Variants in ENG observed in about 807,000 individuals in gnomAD.
ENG encodes the protein CD105 antigen.
ENG carries 17 observed loss-of-function variants against 71.0 expected under a neutral mutation model. The ratio of observed to expected loss-of-function variants is 0.24; its 90% CI spans 0.16 to 0.36. The LOEUF (loss-of-function observed/expected upper bound fraction) is 0.36. Among genes scored for constraint, ENG ranks in the 10% least tolerant of loss-of-function variants. The pLI is 1.00. For missense variants in ENG, 749 were observed against 868.3 expected (o/e 0.86, Z 1.73); for synonymous variants, 360 against 366.9 (o/e 0.98, Z 0.21).
At chr9:127,849,280 T>G (rs1831239257) in intron 1 of ENG, among the ~76,000 whole-genome samples, 1 of 152,238 alleles carries the variant, frequency 6.6e-6, no homozygotes, top group Admixed American at 6.5e-5. Context: ...GCTCTCGCCA[T>G]TACTCCATTC....
chr9:127,829,926 C>A (rs1830722971), intron 2 of ENG, 99 bp from the exon 3 acceptor site: 13 of 1,546,656 alleles, frequency 8.4e-6, no homozygotes, highest in Admixed American at 5.1e-5. Context: ...CCACTCCACT[C>A]TCCCTGCCTG....
At chr9:127,837,813 T>A (rs552403352) in intron 2 of ENG, among the ~76,000 whole-genome samples, 1 of 150,522 alleles carries the variant, frequency 6.6e-6, no homozygotes, top group East Asian at 1.9e-4. Context: ...CATCCATCCA[T>A]CCAACAGATA....
rs952545510 is a variant in ENG, at chr9:127,846,541, G to C, written c.68-3296C>G. Among the ~76,000 whole-genome samples, 1 of 152,200 alleles carries C rather than the reference G, an allele frequency of 6.6e-6. No individual in the cohort carries two copies. Among genetic ancestry groups the C allele is most frequent in the South Asian group, 2.1e-4 (1 of 4,830 alleles). ...CGCCTGGGGCCGCCTCCTCCATGCCGTCAGCCAGCGGGAGAGGCCACAAGC... is the reference window on the plus strand; with the variant it reads ...CGCCTGGGGCCGCCTCCTCCATGCCCTCAGCCAGCGGGAGAGGCCACAAGC... On this transcript the variant is annotated intron_variant, in intron 1 of 14. Coordinates refer to ENST00000373203, the MANE Select transcript of ENG (RefSeq NM_001114753.3). This position sits in a 1 kb window ranked among gnomAD's most constrained non-coding sequence, Gnocchi z 5.5.
Position 127,837,268 on chromosome 9 carries a change from T to A in ENG, c.219+5826A>T, listed in dbSNP as rs114363680. ...CTATCTCTGAGCCTCAGCCTCCCCA[T>A]CTGTGCAGGGAGGAGTTGAGCTCAG... On this transcript the variant is annotated intron_variant, in intron 2 of 14. Transcript: ENST00000373203. 2.1e-3 allele frequency among the ~76,000 whole-genome samples: 323 copies of A among 152,232 alleles called. 3 individuals are homozygous for A. Among genetic ancestry groups the A allele is most frequent in the African/African-American group, 7.6e-3 (315 of 41,524 alleles).
At chr9:127,822,104 C>G (rs568913652) in intron 8 of ENG, among the ~76,000 whole-genome samples, 1 of 152,060 alleles carries the variant, frequency 6.6e-6, no homozygotes, top group South Asian at 2.1e-4. Context: ...GAAAGAATTA[C>G]AGCAAATCAA....
intron 8 of ENG, among the ~76,000 whole-genome samples, chr9:127,823,513 C>T (rs1207165011): frequency 4.0e-5 from 6 of 151,526 alleles, no homozygotes; most frequent in Admixed American, 6.6e-5. Flanking sequence ...CTCAGCCTCC[C>T]GATTAGCTGG....
At chr9:127,847,894 C>A (rs139954085) in intron 1 of ENG, among the ~76,000 whole-genome samples, 5 of 152,168 alleles carry the variant, frequency 3.3e-5, no homozygotes, top group Non-Finnish European at 7.3e-5. Context: ...CGGGCTCCCC[C>A]CTGGTTCTAC....
intron 2 of ENG, among the ~76,000 whole-genome samples, chr9:127,830,284 T>C (rs1266406772): frequency 1.4e-5 from 2 of 146,524 alleles, no homozygotes; most frequent in Non-Finnish European, 3.0e-5. Flanking sequence ...AGAGGTGGCA[T>C]TGAGCTGAGA....
intron 8 of ENG, among the ~76,000 whole-genome samples, chr9:127,821,798 G>A (rs1830473280): frequency 6.8e-6 from 1 of 147,674 alleles, no homozygotes; most frequent in South Asian, 2.2e-4. Context: ...CAGGAGAATT[G>A]CTTGAACCCG....
intron 1 of ENG, among the ~76,000 whole-genome samples, chr9:127,849,454 G>A (rs905991535): frequency 3.3e-5 from 5 of 152,174 alleles, no homozygotes; most frequent in African/African-American, 1.2e-4. Context: ...TGACCTGCTG[G>A]GTGACCCACA....
chr9:127,851,304 C>T (rs992024119), intron 1 of ENG, among the ~76,000 whole-genome samples: 4 of 151,982 alleles, frequency 2.6e-5, no homozygotes, highest in African/African-American at 9.7e-5. Context: ...ATCACAACCT[C>T]CACCTCCCAG....
At position 127,848,482 on chromosome 9, in the gene ENG, C is replaced by T. The variant is rs374092673; in HGVS notation, c.68-5237G>A. Among the ~76,000 whole-genome samples, 86 of 152,266 alleles carry T rather than the reference C, an allele frequency of 5.6e-4. 1 individual carries two copies. The highest frequency in any genetic ancestry group is 3.4e-3 in the Middle Eastern group (1 of 294). On this transcript the variant is annotated intron_variant, in intron 1 of 14. Coordinates refer to ENST00000373203, the MANE Select transcript of ENG (RefSeq NM_001114753.3). ...AAATATTTGTGGAGAAAGAGTCTTG[C>T]TATGTTGCCCAGGCTGGTCTTGAAT...
intron 2 of ENG, among the ~76,000 whole-genome samples, chr9:127,835,989 G>A (rs769232892): frequency 7.9e-5 from 12 of 152,184 alleles, no homozygotes; most frequent in Non-Finnish European, 1.8e-4. Context: ...CAGGGGGGCT[G>A]GAAAGCTGGG....
intron 1 of ENG, among the ~76,000 whole-genome samples, chr9:127,843,757 T>TATATATATA (rs1831105965): frequency 5.8e-4 from 3 of 5,208 alleles, no homozygotes; most frequent in African/African-American, 1.1e-3. Flanking sequence ...ATATATATAT[T>TATATATATA]TTTTTTTTTT....
chr9:127,826,786 G>A (rs930626363), intron 3 of ENG, 114 bp from the exon 4 acceptor site: 13 of 1,391,270 alleles, frequency 9.3e-6, no homozygotes, highest in African/African-American at 8.6e-5. Flanking sequence ...AGAGAAAGAG[G>A]CCGGAGCTGA....
intron 2 of ENG, among the ~76,000 whole-genome samples, chr9:127,833,030 T>G (rs1830804258): frequency 6.6e-6 from 1 of 152,198 alleles, no homozygotes; most frequent in South Asian, 2.1e-4. Flanking sequence ...GTGCTAGGAT[T>G]ATAGGCGTGA....
At chr9:127,842,644 C>T (rs183829662) in intron 2 of ENG, among the ~76,000 whole-genome samples, 14 of 152,128 alleles carry the variant, frequency 9.2e-5, no homozygotes, top group African/African-American at 2.9e-4. Context: ...AGAATGGTCT[C>T]GATCTCCTGA....
chr9:127,826,475 A>T (rs773294322), intron 4 of ENG, 35 bp downstream of exon 4: 2 of 1,613,672 alleles, frequency 1.2e-6, no homozygotes, highest in East Asian at 4.5e-5. Flanking sequence ...CCTGAGCAGT[A>T]TCATGAGCCC....
Position 127,838,226 on chromosome 9 carries a change from T to A in ENG, c.219+4868A>T, listed in dbSNP as rs1830949673. 6.6e-6 allele frequency among the ~76,000 whole-genome samples: 1 copy of A among 151,998 alleles called. No individual in the cohort carries two copies. Among genetic ancestry groups the A allele is most frequent in the African/African-American group, 2.4e-5 (1 of 41,364 alleles). On this transcript the variant is annotated intron_variant, in intron 2 of 14. Transcript: ENST00000373203. This position sits in a 1 kb window ranked among gnomAD's most constrained non-coding sequence, Gnocchi z 4.3. ...GCCCTGAGAGGAGGCTCAGAGCCAT[T>A]TGGGATTTTGGGGTCCTGGGTACCC...
Sources: allele counts gnomAD v4.1 joint callset (sites outside exome capture counted in the v4.1 genomes callset), GRCh38; gene constraint gnomAD v4.1.1; non-coding constraint Gnocchi (gnomAD v3.1); transcripts MANE v1.5; gene names NCBI Gene and HGNC (gene_info 2026-07-23, HGNC 2026-07-21).